Variants in MYH13 observed in about 807,000 individuals in gnomAD.
The protein encoded by MYH13 is myosin-13.
In MYH13, 177 loss-of-function variants were observed where a neutral mutation model predicts 232.1. That is an observed-to-expected ratio of 0.76 (90% CI 0.67 to 0.86). The LOEUF is 0.86. Ranked by LOEUF, MYH13 falls within the 40% of genes least tolerant of loss-of-function variation. MYH13 has a pLI of 0.00. For synonymous variants in MYH13, 884 were observed against 923.5 expected, an observed-to-expected ratio of 0.96 and a Z score of 0.78; for missense variants, 2,246 against 2,405.9, an observed-to-expected ratio of 0.93 and a Z score of 1.39.
chr17:10,322,255 A>T (rs918740132), intron 23 of MYH13, among the ~76,000 whole-genome samples: 2 of 151,552 alleles, frequency 1.3e-5, no homozygotes, highest in East Asian at 1.9e-4. Context: ...AAAATTAGCC[A>T]GGCATGGTGG....
At chr17:10,336,500 A>G (rs2071576390) in intron 18 of MYH13, among the ~76,000 whole-genome samples, 1 of 152,150 alleles carries the variant, frequency 6.6e-6, no homozygotes, top group Admixed American at 6.5e-5. Context: ...TCGCTGGCTC[A>G]GGAGAGACTG....
At chr17:10,315,659 G>A (rs1223201258) in intron 29 of MYH13, 34 bp downstream of exon 29, 1 of 1,584,280 alleles carries the variant, frequency 6.3e-7, no homozygotes, top group East Asian at 2.2e-5. Flanking sequence ...ATATAGCCTG[G>A]CTTCTCAGGT....
intron 2 of MYH13, among the ~76,000 whole-genome samples, chr17:10,365,627 T>TA (rs2071827952): frequency 6.6e-6 from 1 of 152,182 alleles, no homozygotes; most frequent in Non-Finnish European, 1.5e-5. Flanking sequence ...ATGCAGGACT[T>TA]CATTAAGAAA....
chr17:10,303,069 T>G, intron 39 of MYH13, 127 bp downstream of exon 39: 1 of 769,634 alleles, frequency 1.3e-6, no homozygotes, highest in Non-Finnish European at 2.2e-6. Context: ...GTCTCTGTGT[T>G]TATAGCCTGC....
chr17:10,341,787 T>A (rs2071621622), intron 16 of MYH13, among the ~76,000 whole-genome samples: 1 of 152,240 alleles, frequency 6.6e-6, no homozygotes, highest in African/African-American at 2.4e-5. Context: ...ACATTGTGAT[T>A]AGATTCAAAG....
intron 23 of MYH13, among the ~76,000 whole-genome samples, chr17:10,323,787 AAAGAAG>A (rs571033999): frequency 0.024 from 1,618 of 66,464 alleles, 37 homozygotes; most frequent in African/African-American, 0.06. Flanking sequence ...AAAAAAAAAA[AAAGAAG>A]AAGAAGAAGA....
chr17:10,312,137 T>C (rs1329699339), intron 31 of MYH13, 61 bp from the exon 32 acceptor site: 3 of 1,585,232 alleles, frequency 1.9e-6, no homozygotes, highest in African/African-American at 1.3e-5. Flanking sequence ...GAAGAGTTCA[T>C]GCAAACAAGG....
rs371008542 is a variant in MYH13 at position 10,327,996 on chromosome 17, G to T, written c.2561C>A (p.Ala854Asp). 5 of 1,614,106 alleles carry T rather than the reference G, an allele frequency of 3.1e-6. No individual in the cohort carries two copies. Among genetic ancestry groups the T allele is most frequent in the Non-Finnish European group, 8.5e-7 (1 of 1,180,014 alleles). The change falls in exon 22 of 41, where the codon GCC becomes GAC. Residue 854 changes from alanine to aspartate, a missense_variant. Coordinates refer to ENST00000252172, the MANE Select transcript of MYH13 (RefSeq NM_003802.3). Reference protein sequence around the residue: ...LKSAEAEKEMATMKEDFERTK... With the variant: ...LKSAEAEKEMDTMKEDFERTK... ...CCTCTCAAAGTCTTCCTTCATGGTG[G>T]CCATCTCCTTCTCGGCCTCTGCACT...
chr17:10,360,291 G>C (rs2071782164), intron 5 of MYH13, 103 bp from the exon 6 acceptor site: 2 of 1,338,010 alleles, frequency 1.5e-6, no homozygotes, highest in Non-Finnish European at 2.1e-6. Context: ...TCTAGTTAAT[G>C]TCTTTGCCAT....
intron 2 of MYH13, among the ~76,000 whole-genome samples, chr17:10,370,325 C>T (rs1175613756): frequency 6.6e-6 from 1 of 152,212 alleles, no homozygotes; most frequent in Non-Finnish European, 1.5e-5. Flanking sequence ...AGGGGAAGAC[C>T]ATTCATTTTT....
At chr17:10,356,775 A>G (rs2071752501) in intron 8 of MYH13, among the ~76,000 whole-genome samples, 1 of 152,184 alleles carries the variant, frequency 6.6e-6, no homozygotes, top group South Asian at 2.1e-4. Context: ...TACTTTTGCA[A>G]CCATAGGCAC....
At chr17:10,323,602 A>G (rs1037989397) in intron 23 of MYH13, among the ~76,000 whole-genome samples, 3 of 151,814 alleles carry the variant, frequency 2.0e-5, no homozygotes, top group Non-Finnish European at 4.4e-5. Context: ...TACTAAAAAT[A>G]CAAAAAATTA....
At chr17:10,341,469 T>C (rs1012190626) in intron 16 of MYH13, 1 of 152,250 alleles carries the variant, frequency 6.6e-6, no homozygotes, top group Non-Finnish European at 1.5e-5. Flanking sequence ...TTTTATAAGT[T>C]GATTTCTTTT....
intron 8 of MYH13, among the ~76,000 whole-genome samples, chr17:10,355,828 CTTTTTTTTTTTTTTTTTTTTTTTTTTT>C (rs61338527): frequency 3.0e-5 from 2 of 66,768 alleles, no homozygotes; most frequent in South Asian, 7.6e-4. Flanking sequence ...TTCTGTCTGA[CTTTTTTTTTTTTTTTTTTTTTTTTTTT>C]TTTTTTTTTT....
Position 10,327,953 on chromosome 17 carries a change from G to C in MYH13, c.2604C>G (p.Ala868=). The C allele has an allele frequency of 6.2e-7, 1 of 1,613,930 alleles. No homozygotes were observed. The highest frequency in any genetic ancestry group is 8.5e-7 in the Non-Finnish European group (1 of 1,179,962). ...EDFERTKEEL[A]RSEARRKELE... ...GCTCCTTCCGGCGAGCCTCAGATCG[G>C]GCCAGTTCTTCCTTGGTCCTCTCAA... Residue 868 remains alanine (A), a synonymous_variant, in exon 22 of 41, where the codon GCC becomes GCG. Transcript: ENST00000252172.
chr17:10,311,696 T>C (rs1733066762), intron 32 of MYH13, among the ~76,000 whole-genome samples: 1 of 152,194 alleles, frequency 6.6e-6, no homozygotes. Context: ...AACCCACTGT[T>C]CCTTCAGTTC....
Position 10,353,453 on chromosome 17 carries a change from G to A in MYH13, c.1005+1227C>T, listed in dbSNP as rs144540180. 1.8e-3 allele frequency among the ~76,000 whole-genome samples: 270 copies of A among 152,216 alleles called. 2 individuals carry two copies. Among genetic ancestry groups the A allele is most frequent in the African/African-American group, 6.4e-3 (264 of 41,530 alleles). On this transcript the variant is annotated intron_variant, in intron 11 of 40. Transcript: ENST00000252172. ...AGGATGATGGACAAGACCCCTTTTC[G>A]CAAGCTCTTGAAGCTTTTGTATGGG...
At chr17:10,322,340 G>A (rs1397905233) in intron 23 of MYH13, among the ~76,000 whole-genome samples, 1 of 152,204 alleles carries the variant, frequency 6.6e-6, no homozygotes, top group Non-Finnish European at 1.5e-5. Context: ...AGAGGTTGCA[G>A]TGAGCTGAGA....
intron 18 of MYH13, 25 bp downstream of exon 18, chr17:10,340,125 C>T (rs935147482): frequency 1.3e-5 from 21 of 1,599,404 alleles, no homozygotes; most frequent in Non-Finnish European, 1.8e-5. Context: ...TGTTCAAATA[C>T]TTGGCAAGAT....
Sources: allele counts gnomAD v4.1 joint callset (sites outside exome capture counted in the v4.1 genomes callset), GRCh38; gene constraint gnomAD v4.1.1; transcripts MANE v1.5; gene names NCBI Gene and HGNC (gene_info 2026-07-23, HGNC 2026-07-21).